DNAJC3: variants seen among roughly 807,000 people sequenced by gnomAD.
DNAJC3 encodes dnaJ homolog subfamily C member 3.
DNAJC3 carries 38 observed loss-of-function variants against 68.6 expected under a neutral mutation model. The observed-to-expected ratio is 0.55, with a 90% confidence interval of 0.43 to 0.73. The LOEUF (loss-of-function observed/expected upper bound fraction) is 0.73, where lower values mean the gene tolerates loss of function less well. Among genes scored for constraint, DNAJC3 ranks in the 30% least tolerant of loss-of-function variants. The probability of loss-of-function intolerance (pLI) is 0.00; values close to 1 mark genes in which losing one functional copy is unlikely to be tolerated. For missense variants in DNAJC3, 526 were observed against 591.9 expected (o/e 0.89, Z 1.16); for synonymous variants, 203 against 204.0 (o/e 1.00, Z 0.04).
chr13:95,710,577 T>G (rs1165391495), intron 2 of DNAJC3, among the ~76,000 whole-genome samples: 1 of 151,608 alleles, frequency 6.6e-6, no homozygotes, highest in East Asian at 1.9e-4. Context: ...TGGGACTTTT[T>G]GAACTTTCCT....
At chr13:95,764,056 A>C (rs1488509246) in intron 9 of DNAJC3, 103 bp downstream of exon 9, 1 of 1,499,656 alleles carries the variant, frequency 6.7e-7, no homozygotes, top group Middle Eastern at 2.3e-4. Flanking sequence ...GAGTACCTGG[A>C]AATGTTGACA....
chr13:95,709,313 T>G lies in DNAJC3; in HGVS notation c.169T>G (p.Leu57Val). Residue 57 changes from leucine to valine, a missense_variant, in exon 2 of 12, where the codon TTA becomes GTA. Coordinates refer to ENST00000602402, the MANE Select transcript of DNAJC3 (RefSeq NM_006260.5). The part of the protein sequence containing the change: ...LLAAGQLADA[L>V]SQFHAAVDGD... ...TGCAGCTGGACAGCTAGCTGATGCTTTATCTCAGTTTCATGCTGCCGTAGG... is the reference window on the plus strand; with the variant it reads ...TGCAGCTGGACAGCTAGCTGATGCTGTATCTCAGTTTCATGCTGCCGTAGG... The G allele has an allele frequency of 6.3e-7, 1 of 1,588,560 alleles. No individual in the cohort carries two copies. The highest frequency in any genetic ancestry group is 1.4e-5 in the African/African-American group (1 of 73,970).
chr13:95,753,839 C>T (rs928931810), intron 4 of DNAJC3, among the ~76,000 whole-genome samples: 14 of 152,098 alleles, frequency 9.2e-5, no homozygotes, highest in Non-Finnish European at 1.3e-4. Flanking sequence ...GTATTATTAT[C>T]CCTCTTTTAT....
intron 4 of DNAJC3, among the ~76,000 whole-genome samples, chr13:95,737,160 A>G (rs2139654056): frequency 6.6e-6 from 1 of 150,838 alleles, no homozygotes. Flanking sequence ...CTTGCATCCC[A>G]GGGATGAAGC....
intron 11 of DNAJC3, among the ~76,000 whole-genome samples, chr13:95,789,807 C>CTATT (rs1344504829): frequency 1.3e-5 from 2 of 152,128 alleles, no homozygotes; most frequent in Non-Finnish European, 2.9e-5. Context: ...TTGGCAGCAT[C>CTATT]TATTTTTTTT....
At chr13:95,769,051 T>C (rs1482884184) in intron 9 of DNAJC3, among the ~76,000 whole-genome samples, 1 of 151,374 alleles carries the variant, frequency 6.6e-6, no homozygotes, top group African/African-American at 2.4e-5. Context: ...TATATCTATA[T>C]ATCCCACCTC....
At chr13:95,746,703 G>C (rs1593999693) in intron 4 of DNAJC3, among the ~76,000 whole-genome samples, 1 of 152,122 alleles carries the variant, frequency 6.6e-6, no homozygotes, top group East Asian at 1.9e-4. Context: ...CATTTACCAG[G>C]CTATAAAATG....
intron 9 of DNAJC3, among the ~76,000 whole-genome samples, chr13:95,770,182 G>A (rs1322551622): frequency 6.6e-6 from 1 of 151,992 alleles, no homozygotes; most frequent in African/African-American, 2.4e-5. Flanking sequence ...GTTCATTTTG[G>A]CTTTTTGTTA....
At chr13:95,777,607 A>G (rs1334413804) in intron 9 of DNAJC3, among the ~76,000 whole-genome samples, 2 of 152,236 alleles carry the variant, frequency 1.3e-5, no homozygotes, top group African/African-American at 4.8e-5. Flanking sequence ...ACATTAAATT[A>G]TAATAAAAAG....
At position 95,677,190 on chromosome 13, in the gene DNAJC3, C is replaced by T. The variant is rs1879774982; in HGVS notation, c.-66C>T. 3 of 1,492,362 alleles carry T rather than the reference C, an allele frequency of 2.0e-6. No individual in the cohort carries two copies. Among genetic ancestry groups the T allele is most frequent in the Admixed American group, 3.7e-5 (2 of 53,386 alleles). The allele number at this position is 1,492,362 out of a possible 1,614,324, so 92.4% of individuals were successfully genotyped here. On this transcript the variant is annotated 5_prime_UTR_variant, in exon 1 of 12. Coordinates refer to ENST00000602402, the MANE Select transcript of DNAJC3 (RefSeq NM_006260.5). Reference sequence around the variant, plus strand: ...CGACGGCGGGCGGGCGCAGCTGCTGCCGGAGCGCCGGCGCGTGCTGGTGGG... The same window carrying T: ...CGACGGCGGGCGGGCGCAGCTGCTGTCGGAGCGCCGGCGCGTGCTGGTGGG...
At chr13:95,687,771 T>C (rs572716518) in intron 1 of DNAJC3, among the ~76,000 whole-genome samples, 14 of 152,206 alleles carry the variant, frequency 9.2e-5, no homozygotes, top group Admixed American at 6.5e-4. Flanking sequence ...TTTTTTGGTT[T>C]TATATGAATT....
At chr13:95,756,979 A>G (rs950653634) in intron 4 of DNAJC3, among the ~76,000 whole-genome samples, 2 of 152,184 alleles carry the variant, frequency 1.3e-5, no homozygotes, top group African/African-American at 4.8e-5. Flanking sequence ...TTTTTTAAAA[A>G]ATCATAGAAT....
At chr13:95,712,374 CTTTTTT>C (rs71113952) in intron 2 of DNAJC3, among the ~76,000 whole-genome samples, 3 of 135,224 alleles carry the variant, frequency 2.2e-5, no homozygotes, top group African/African-American at 8.3e-5. Flanking sequence ...ATGCTTTTTT[CTTTTTT>C]TTTTTTTTTT....
intron 4 of DNAJC3, among the ~76,000 whole-genome samples, chr13:95,741,472 C>T (rs1157478650): frequency 6.6e-6 from 1 of 152,174 alleles, no homozygotes; most frequent in East Asian, 1.9e-4. Context: ...GCCAAACATG[C>T]CTAACTTAGG....
At chr13:95,690,685 C>T (rs1490963906) in intron 1 of DNAJC3, among the ~76,000 whole-genome samples, 39 of 142,236 alleles carry the variant, frequency 2.7e-4, no homozygotes, top group Admixed American at 1.2e-3. Flanking sequence ...ACCTCCCTCC[C>T]GGACGGGGCG....
intron 7 of DNAJC3, among the ~76,000 whole-genome samples, chr13:95,763,024 CA>C (rs1882870185): frequency 6.6e-6 from 1 of 152,154 alleles, no homozygotes; most frequent in South Asian, 2.1e-4. Flanking sequence ...GGCATAGAAA[CA>C]TATTTTTTAC....
intron 6 of DNAJC3, 113 bp from the exon 7 acceptor site, chr13:95,760,566 T>C (rs1882791639): frequency 6.4e-5 from 85 of 1,334,996 alleles, no homozygotes; most frequent in Non-Finnish European, 8.5e-5. Flanking sequence ...AGTCTCAGTA[T>C]GGTTTTTGTT....
chr13:95,733,149 G>A (rs1463078706), intron 4 of DNAJC3, among the ~76,000 whole-genome samples: 1 of 152,110 alleles, frequency 6.6e-6, no homozygotes, highest in African/African-American at 2.4e-5. Context: ...TGTTAAGTCT[G>A]TTTGGTCTAA....
chr13:95,751,062 A>G (rs1031109301), intron 4 of DNAJC3, among the ~76,000 whole-genome samples: 1 of 152,100 alleles, frequency 6.6e-6, no homozygotes, highest in Non-Finnish European at 1.5e-5. Flanking sequence ...TAGTGAGGCC[A>G]TGTCTCTACA....
Sources: gnomAD v4.1 joint callset for allele counts (sites outside exome capture counted in the v4.1 genomes callset) on GRCh38, gnomAD v4.1.1 for gene constraint, MANE v1.5 for transcripts, NCBI Gene and HGNC (gene_info 2026-07-23, HGNC 2026-07-21) for gene names.